The following ACRBP variants were observed in gnomAD, a reference collection of about 807,000 sequenced individuals.
The protein encoded by ACRBP is acrosin binding protein.
Under a neutral mutation model 69.0 loss-of-function variants are expected in ACRBP, and 52 were observed. The ratio of observed to expected loss-of-function variants is 0.75; its 90% CI spans 0.60 to 0.95. The LOEUF is 0.95. Ranked by LOEUF, ACRBP falls within the 40% of genes least tolerant of loss-of-function variation. The pLI is 0.00. For synonymous variants in ACRBP, 267 were observed against 258.9 expected, an observed-to-expected ratio of 1.03 and a Z score of -0.30; for missense variants, 604 against 673.0, an observed-to-expected ratio of 0.90 and a Z score of 1.13.
intron 3 of ACRBP, among the ~76,000 whole-genome samples, chr12:6,645,850 CAG>C (rs1949084221): frequency 6.6e-6 from 1 of 151,428 alleles, no homozygotes; most frequent in Non-Finnish European, 1.5e-5. Flanking sequence ...TTAGTAGAGA[CAG>C]AGTTTCACCG....
intron 3 of ACRBP, 62 bp from the exon 4 acceptor site, chr12:6,645,399 G>C: frequency 7.8e-7 from 1 of 1,283,730 alleles, no homozygotes. Context: ...GCTCCAGCTG[G>C]TTCTTCAACC....
At position 6,640,660 on chromosome 12, in the gene ACRBP, G is replaced by A. The variant is rs1949046060; in HGVS notation, c.1078-138C>T. ...AAAAGCTTCTCTGGGTTTTCTACTT[G>A]GCCTCCTCCCCAAGGGTTCCTCAAG... is the stretch of plus-strand genomic sequence containing the variant. On this transcript the variant is annotated intron_variant, in intron 6 of 9. Transcript: ENST00000229243. This position sits in a 1 kb window ranked among gnomAD's most constrained non-coding sequence, Gnocchi z 5.3. 1.1e-6 allele frequency: 1 copy of A among 943,810 alleles called. No individual in the cohort carries two copies. Among genetic ancestry groups the A allele is most frequent in the African/African-American group, 1.7e-5 (1 of 60,290 alleles). 58.5% of individuals were successfully genotyped at this position (943,810 alleles called of 1,614,324 possible).
At position 6,646,478 on chromosome 12, in the gene ACRBP, C is replaced by T. The variant is rs1565393270; in HGVS notation, c.357+5G>A. On this transcript the variant is annotated splice_donor_5th_base_variant and intron_variant, in intron 3 of 9. Coordinates refer to ENST00000229243, the MANE Select transcript of ACRBP (RefSeq NM_032489.3). Reference sequence around the variant, plus strand: ...ACCAAATCCAACCTTTGTCCTGGGCCTCACCTTGGCATAGTAGACGTGGTT... The same window carrying T: ...ACCAAATCCAACCTTTGTCCTGGGCTTCACCTTGGCATAGTAGACGTGGTT... 1 of 1,613,836 alleles carries T rather than the reference C, an allele frequency of 6.2e-7. No individual in the cohort carries two copies. The highest frequency in any genetic ancestry group is 8.5e-7 in the Non-Finnish European group (1 of 1,179,784).
Position 6,647,015 on chromosome 12 carries a change from G to A in ACRBP, c.44-3C>T. On this transcript the variant is annotated splice_polypyrimidine_tract_variant and splice_region_variant and intron_variant, in intron 1 of 9. Transcript: ENST00000229243. ...AGGTGCCAGAGGCAGGAGCAGCACT[G>A]CGGAGCGGGCGAACGGATGATGGAA... 6.2e-7 allele frequency: 1 copy of A among 1,607,494 alleles called. No individual in the cohort carries two copies.
At chr12:6,638,824 G>GC in intron 9 of ACRBP, 130 bp downstream of exon 9, 1 of 1,527,228 alleles carries the variant, frequency 6.5e-7, no homozygotes, top group Non-Finnish European at 8.8e-7. Context: ...GGAGGCCTCT[G>GC]CCCCAGAGAT....
intron 8 of ACRBP, 86 bp downstream of exon 8, chr12:6,639,974 C>A: frequency 1.3e-6 from 2 of 1,502,156 alleles, no homozygotes; most frequent in Non-Finnish European, 1.8e-6. Context: ...AGCCCCCTTC[C>A]ACAAACTAGC....
At position 6,644,465 on chromosome 12, in the gene ACRBP, C is replaced by G. The variant is rs748960906; in HGVS notation, c.616G>C (p.Glu206Gln). ...KQEQGVEHRQEPTQEHKQEEG... is the reference protein window; with the variant it reads ...KQEQGVEHRQQPTQEHKQEEG... ...TCCTGCTTGTGTTCTTGTGTCGGCT[C>G]CTGCCTGTGCTCCACTCCTTGCTCC... is the stretch of plus-strand genomic sequence containing the variant. Residue 206 changes from glutamate to glutamine, a missense_variant, in exon 5 of 10, where the codon GAG (glutamate) becomes CAG (glutamine). Glu to Gln is a conservative substitution (Grantham distance 29, BLOSUM62 2). Coordinates refer to ENST00000229243, the MANE Select transcript of ACRBP (RefSeq NM_032489.3). 6 of 1,614,030 alleles carry G rather than the reference C, an allele frequency of 3.7e-6. No individual in the cohort carries two copies. Among genetic ancestry groups the G allele is most frequent in the Non-Finnish European group, 5.1e-6 (6 of 1,180,028 alleles).
intron 6 of ACRBP, among the ~76,000 whole-genome samples, chr12:6,641,384 C>T (rs778930271): frequency 3.3e-5 from 5 of 152,224 alleles, no homozygotes; most frequent in Admixed American, 1.3e-4. Flanking sequence ...TCCCACATAA[C>T]GGAGGCATCA....
At chr12:6,647,155 G>T in intron 1 of ACRBP, 143 bp from the exon 2 acceptor site, 1 of 1,107,108 alleles carries the variant, frequency 9.0e-7, no homozygotes, top group Non-Finnish European at 1.3e-6. Flanking sequence ...TAGAGACAGA[G>T]GCAAAGGTCC....
At chr12:6,644,824 ACTC>A (rs1555078331) in intron 4 of ACRBP, among the ~76,000 whole-genome samples, 1 of 151,564 alleles carries the variant, frequency 6.6e-6, no homozygotes, top group Non-Finnish European at 1.5e-5. Context: ...CCTGGCAAGC[ACTC>A]CTCCTTCCCT....
rs547681353 is a variant in ACRBP at position 6,646,934 on chromosome 12, G to A, written c.122C>T (p.Thr41Ile). 1 of 1,613,958 alleles carries A rather than the reference G, an allele frequency of 6.2e-7. No homozygotes were observed. Residue 41 changes from threonine to isoleucine, a missense_variant, in exon 2 of 10, where the codon ACC becomes ATC. This residue lies in a region of ACRBP where 532 missense variants were observed against 562.9 expected (regional missense o/e 0.95). Coordinates refer to ENST00000229243, the MANE Select transcript of ACRBP (RefSeq NM_032489.3). ...CAGTGCGAAGAAGCGTTCGTATTCG[G>A]TAGGAGAGAGAGGGCTGCCTGGAGT... ...ASTPGSPLSP[T>I]EYERFFALLT...
chr12:6,643,852 G>A (rs964015659), intron 5 of ACRBP, among the ~76,000 whole-genome samples, 181 bp from the exon 6 acceptor site: 3 of 152,230 alleles, frequency 2.0e-5, no homozygotes, highest in South Asian at 2.1e-4. Flanking sequence ...CTGAGGACCC[G>A]AAAGGAGAAA....
In ACRBP at chr12:6,647,112, G is replaced by T. The variant is rs923160345; in HGVS notation, c.44-100C>A. 3.3e-6 allele frequency: 4 copies of T among 1,199,060 alleles called. No homozygotes were observed. In the Admixed American group the frequency reaches 8.0e-5, roughly 24 times the overall value. 74.3% of individuals were successfully genotyped at this position (1,199,060 alleles called of 1,614,324 possible). A position where few individuals can be genotyped will look rare whatever the true frequency, so the allele number is the denominator to read the frequency against. ...GACTGGCAAATTAGGAACGGGGTGA[G>T]GGTTATCCCTGCTGACCAGGGCGGG... is the stretch of plus-strand genomic sequence containing the variant. On this transcript the variant is annotated intron_variant, in intron 1 of 9. Coordinates refer to ENST00000229243, the MANE Select transcript of ACRBP (RefSeq NM_032489.3).
At position 6,645,197 on chromosome 12, in the gene ACRBP, C is replaced by T. The variant is rs188527378; in HGVS notation, c.475+23G>A. The T allele has an allele frequency of 2.6e-3, 4,136 of 1,564,512 alleles. 11 individuals are homozygous for T. Among genetic ancestry groups the T allele is most frequent in the Non-Finnish European group, 3.4e-3 (3,891 of 1,139,568 alleles). On this transcript the variant is annotated intron_variant, in intron 4 of 9. Transcript: ENST00000229243. The stretch of plus-strand genomic sequence containing the variant: ...GAGTTGTGGGAGTAGCTGGTGGTCT[C>T]CCGGCTGCTGAGAGGGTCTCACCTG...
Position 6,645,204 on chromosome 12 carries a change from G to A in ACRBP, c.475+16C>T. 2 of 1,585,432 alleles carry A rather than the reference G, an allele frequency of 1.3e-6. No individual in the cohort carries two copies. The highest frequency in any genetic ancestry group is 2.2e-5 in the East Asian group (1 of 44,650). ...GGGAGTAGCTGGTGGTCTCCCGGCT[G>A]CTGAGAGGGTCTCACCTGTGAAGTG... On this transcript the variant is annotated intron_variant, in intron 4 of 9. Transcript: ENST00000229243.
Position 6,640,126 on chromosome 12 carries a change from A to G in ACRBP, c.1359T>C (p.Asp453=), listed in dbSNP as rs1377398646. 2.5e-6 allele frequency: 4 copies of G among 1,614,112 alleles called. No individual in the cohort carries two copies. The African/African-American group carries it at 4.0e-5, about 16-fold the overall frequency. The part of the protein sequence containing the change: ...CARLATKGCE[D]VRVSGWLQTE... The stretch of plus-strand genomic sequence containing the variant: ...TCTGGAGCCACCCAGAGACTCGGAC[A>G]TCTTCACAGCCTTTCGTGGCAAGCC... The change falls in exon 8 of 10, where the codon GAT becomes GAC. Residue 453 remains aspartate (D), a synonymous_variant. Transcript: ENST00000229243. The surrounding 1 kb of genome is among the most constrained non-coding windows in gnomAD (Gnocchi z 5.3).
Position 6,640,227 on chromosome 12 carries a change from C to G in ACRBP, c.1258G>C (p.Val420Leu). ...ASQSLSIGNQ[V>L]GSPESGRFYG... ...AAGCGGCCTGATTCTGGGGACCCTA[C>G]CTGTGGCACAGGAGATAGGGGAGAG... The change falls in exon 8 of 10, where the codon GTA becomes CTA. Residue 420 changes from valine (V) to leucine (L), a missense_variant and splice_region_variant. By Grantham distance (32) the Val-to-Leu change is conservative. Transcript: ENST00000229243. The surrounding 1 kb of genome is among the most constrained non-coding windows in gnomAD (Gnocchi z 5.3). 6.2e-7 allele frequency: 1 copy of G among 1,614,174 alleles called. No individual in the cohort carries two copies.
intron 3 of ACRBP, among the ~76,000 whole-genome samples, chr12:6,646,127 T>G (rs1164868814): frequency 1.6e-5 from 2 of 127,994 alleles, no homozygotes; most frequent in Admixed American, 1.5e-4. Context: ...GCCCGGCTAT[T>G]TTTTTTTTTT....
At chr12:6,639,069 T>C (rs764631881) in intron 8 of ACRBP, 32 bp from the exon 9 acceptor site, 23 of 1,588,570 alleles carry the variant, frequency 1.4e-5, no homozygotes, top group Non-Finnish European at 1.7e-5. Context: ...GGGAAGAGGG[T>C]ATCAGAAGCC....
Sources: gnomAD v4.1 joint callset for allele counts (sites outside exome capture counted in the v4.1 genomes callset) on GRCh38, gnomAD v4.1.1 for gene constraint, gnomAD v4.1.1 regional missense constraint, Gnocchi (gnomAD v3.1) non-coding constraint, MANE v1.5 for transcripts, NCBI Gene and HGNC (gene_info 2026-07-23, HGNC 2026-07-21) for gene names.